RANBP2: variants seen among roughly 807,000 people sequenced by gnomAD.
The protein encoded by RANBP2 is RAN binding protein 2.
RANBP2 carries 57 observed loss-of-function variants against 303.6 expected under a neutral mutation model. That is an observed-to-expected ratio of 0.19 (90% CI 0.15 to 0.23). The LOEUF (loss-of-function observed/expected upper bound fraction) is 0.23, where lower values mean the gene tolerates loss of function less well. Among genes scored for constraint, RANBP2 ranks in the 10% least tolerant of loss-of-function variants. The pLI, the probability that RANBP2 is intolerant of heterozygous loss-of-function variation, is 1.00. For synonymous variants in RANBP2, 1,167 were observed against 1,301.5 expected (o/e 0.90, Z 2.23); for missense variants, 3,138 against 3,780.8 (o/e 0.83, Z 4.46).
chr2:109,449,491 T>TA, the RANBP2 span: 2 of 1,613,366 alleles, frequency 1.2e-6, no homozygotes, highest in Non-Finnish European at 1.7e-6. Context: ...AGTGAAAAGG[T>TA]AAGAGGCCCA....
chr2:108,847,302 G>GT, the RANBP2 span, among the ~76,000 whole-genome samples: 1 of 152,148 alleles, frequency 6.6e-6, no homozygotes, highest in Non-Finnish European at 1.5e-5. Context: ...TGTAAATGAA[G>GT]TTTTCTCCCA....
chr2:108,869,688 G>GA, the RANBP2 span, among the ~76,000 whole-genome samples: 1 of 151,794 alleles, frequency 6.6e-6, no homozygotes, highest in Non-Finnish European at 1.5e-5. Context: ...GAGGAAACAA[G>GA]AAAAAAAGAA....
chr2:109,521,424 A>G, the RANBP2 span, among the ~76,000 whole-genome samples: 4 of 151,816 alleles, frequency 2.6e-5, no homozygotes, highest in African/African-American at 9.7e-5. Flanking sequence ...GGATTTCCTC[A>G]CCACTTCAGT....
chr2:109,608,718 G>C, the RANBP2 span, among the ~76,000 whole-genome samples: 3 of 152,144 alleles, frequency 2.0e-5, no homozygotes, highest in African/African-American at 7.2e-5. Context: ...TTATGACTAT[G>C]AGATACATGA....
At chr2:109,542,417 A>G in the RANBP2 span, among the ~76,000 whole-genome samples, 16 of 152,336 alleles carry the variant, frequency 1.1e-4, no homozygotes, top group African/African-American at 3.6e-4. Context: ...TTTCAACCAG[A>G]AACTTGAATA....
chr2:109,055,833 T>TC, the RANBP2 span, among the ~76,000 whole-genome samples: 1,747 of 147,752 alleles, frequency 0.012, 39 homozygotes, highest in African/African-American at 0.041. Flanking sequence ...CGATCTTGGC[T>TC]CACTGCAACC....
the RANBP2 span, among the ~76,000 whole-genome samples, chr2:108,960,322 AG>A: frequency 6.6e-6 from 1 of 152,224 alleles, no homozygotes; most frequent in South Asian, 2.1e-4. Context: ...GAACAAAAAA[AG>A]TGCTCACTGC....
chr2:109,149,541 G>A, the RANBP2 span, among the ~76,000 whole-genome samples: 1 of 152,222 alleles, frequency 6.6e-6, no homozygotes, highest in African/African-American at 2.4e-5. Context: ...GAATTCGCTT[G>A]TTTGACAGAG....
At chr2:109,501,873 G>A in the RANBP2 span, 1 of 553,902 alleles carries the variant, frequency 1.8e-6, no homozygotes, top group South Asian at 2.5e-5. Context: ...GAGCACACCT[G>A]GGATGTTCTT....
chr2:109,186,885 TG>T, the RANBP2 span, among the ~76,000 whole-genome samples: 5 of 152,226 alleles, frequency 3.3e-5, no homozygotes, highest in African/African-American at 1.2e-4. Context: ...TGTGATTCTG[TG>T]GGTCCATATA....
the RANBP2 span, among the ~76,000 whole-genome samples, chr2:109,799,072 A>G: frequency 9.9e-5 from 2 of 20,264 alleles, no homozygotes; most frequent in African/African-American, 6.3e-4. Flanking sequence ...GATCGACACC[A>G]TCTTGGCCAA....
chr2:109,501,267 T>A, the RANBP2 span, among the ~76,000 whole-genome samples: 1 of 152,196 alleles, frequency 6.6e-6, no homozygotes, highest in African/African-American at 2.4e-5. Context: ...GTCCAGCTTC[T>A]TCGTAGATCA....
chr2:108,838,943 G>A, the RANBP2 span, among the ~76,000 whole-genome samples: 1 of 152,174 alleles, frequency 6.6e-6, no homozygotes, highest in Non-Finnish European at 1.5e-5. Context: ...GTATCTTTGT[G>A]TAGGTTAATC....
At chr2:109,714,800 G>A in the RANBP2 span, among the ~76,000 whole-genome samples, 1 of 151,816 alleles carries the variant, frequency 6.6e-6, no homozygotes, top group Non-Finnish European at 1.5e-5. Flanking sequence ...AGCAGAGACA[G>A]GTTTTCACCA....
chr2:108,886,139 G>T, the RANBP2 span, among the ~76,000 whole-genome samples: 1 of 152,172 alleles, frequency 6.6e-6, no homozygotes, highest in Admixed American at 6.5e-5. Context: ...TAGAGGGATT[G>T]CAGGATCCAG....
At chr2:109,612,014 A>G in the RANBP2 span, among the ~76,000 whole-genome samples, 4,579 of 152,302 alleles carry the variant, frequency 0.03, 77 homozygotes, top group South Asian at 0.074. Flanking sequence ...TTATGCTTAC[A>G]TTATGAGTTA....
At chr2:109,547,113 T>C in the RANBP2 span, among the ~76,000 whole-genome samples, 13,657 of 152,216 alleles carry the variant, frequency 0.09, 607 homozygotes, top group African/African-American at 0.1. Flanking sequence ...CAGACCCTTT[T>C]GGGCCTGGAG....
At chr2:109,260,234 T>A in the RANBP2 span, among the ~76,000 whole-genome samples, 1 of 152,104 alleles carries the variant, frequency 6.6e-6, no homozygotes, top group Non-Finnish European at 1.5e-5. Context: ...TTTACCGTCC[T>A]CTCCCTAGTG....
the RANBP2 span, among the ~76,000 whole-genome samples, chr2:109,195,014 A>T: frequency 1.0e-3 from 156 of 152,312 alleles, 1 homozygote; most frequent in African/African-American, 3.2e-3. Context: ...AGCTTTTTAG[A>T]AGTGGGGGAA....
Sources: gnomAD v4.1 joint callset for allele counts (sites outside exome capture counted in the v4.1 genomes callset) on GRCh38, gnomAD v4.1.1 for gene constraint, MANE v1.5 for transcripts, NCBI Gene and HGNC (gene_info 2026-07-23, HGNC 2026-07-21) for gene names.